Variants in GET3 observed in about 807,000 individuals in gnomAD.
GET3 encodes the protein ATPase GET3.
In GET3, 15 loss-of-function variants were observed where a neutral mutation model predicts 32.4. The observed-to-expected ratio is 0.46, with a 90% CI of 0.31 to 0.71. GET3 has a LOEUF of 0.71. GET3 is among the 30% of genes least tolerant of loss of function. The pLI is 0.05. For missense variants in GET3, 333 were observed against 459.0 expected (o/e 0.73, Z 2.51); for synonymous variants, 198 against 185.6 (o/e 1.07, Z -0.54).
In GET3 at chr19:12,747,286, C is replaced by A. The variant is rs761468766; in HGVS notation, c.699C>A (p.Ser233Arg). Residue 233 changes from serine to arginine, a missense_variant, in exon 5 of 7, where the codon AGC becomes AGA. Ser to Arg is a moderately radical substitution (Grantham distance 110). This residue lies in a region of GET3 where 230 missense variants were observed against 389.2 expected (regional missense o/e 0.59). Coordinates refer to ENST00000357332, the MANE Select transcript of GET3 (RefSeq NM_004317.4). This position sits in a 1 kb window ranked among gnomAD's most constrained non-coding sequence, Gnocchi z 4.0. Reference sequence around the variant, plus strand: ...CGCTGCCCGTCATCCGCTCAGTCAGCGAACAGTTCAAGGACCCTGTGAGTG... The same window carrying A: ...CGCTGCCCGTCATCCGCTCAGTCAGAGAACAGTTCAAGGACCCTGTGAGTG... ...EETLPVIRSVSEQFKDPEQTT... is the reference protein window; with the variant it reads ...EETLPVIRSVREQFKDPEQTT... 6.2e-7 allele frequency: 1 copy of A among 1,611,680 alleles called. No homozygotes were observed. The highest frequency in any genetic ancestry group is 1.1e-5 in the South Asian group (1 of 90,776).
In GET3 at chr19:12,747,961, C is replaced by T. The variant is rs757131606; in HGVS notation, c.916-12C>T. 1 of 1,587,536 alleles carries T rather than the reference C, an allele frequency of 6.3e-7. No individual in the cohort carries two copies. The highest frequency in any genetic ancestry group is 8.6e-7 in the Non-Finnish European group (1 of 1,162,824). On this transcript the variant is annotated splice_polypyrimidine_tract_variant and intron_variant, in intron 6 of 6. Transcript: ENST00000357332. This position sits in a 1 kb window ranked among gnomAD's most constrained non-coding sequence, Gnocchi z 4.0. ...CCTGACCACTGCCTTCTACCCTCTGCCCTGGCTGCAGATGGAGGACCTGTA... is the reference window on the plus strand; with the variant it reads ...CCTGACCACTGCCTTCTACCCTCTGTCCTGGCTGCAGATGGAGGACCTGTA...
rs762659065 is a variant in GET3, at chr19:12,747,378, T to C, written c.718-17T>C. 1.9e-6 allele frequency: 3 copies of C among 1,613,828 alleles called. No homozygotes were observed. The highest frequency in any genetic ancestry group is 2.5e-6 in the Non-Finnish European group (3 of 1,179,784). On this transcript the variant is annotated splice_polypyrimidine_tract_variant and intron_variant, in intron 5 of 6. Transcript: ENST00000357332. The surrounding 1 kb of genome is among the most constrained non-coding windows in gnomAD (Gnocchi z 4.0). ...GGGCAGACCCCGCCCCTCACTGTCCTCTCTCGTGCCCTGTAGGAGCAGACA... is the reference window on the plus strand; with the variant it reads ...GGGCAGACCCCGCCCCTCACTGTCCCCTCTCGTGCCCTGTAGGAGCAGACA...
In GET3 at chr19:12,748,244, CCTGGTGGGG is replaced by C; in HGVS notation, c.*150_*158del. ...AGGAGGCAGGGAGGGGTCCATTCCC[CCTGGTGGGG>C]CTGGTGGGGAGCTGTAGTTGCCCCC... is the stretch of plus-strand genomic sequence containing the variant. On this transcript the variant is annotated 3_prime_UTR_variant, in exon 7 of 7. Coordinates refer to ENST00000357332, the MANE Select transcript of GET3 (RefSeq NM_004317.4). 1 of 789,132 alleles carries C rather than the reference CCTGGTGGGG, an allele frequency of 1.3e-6. No individual in the cohort carries two copies. The highest frequency in any genetic ancestry group is 1.9e-6 in the Non-Finnish European group (1 of 536,654). 48.9% of individuals were successfully genotyped at this position (789,132 alleles called of 1,614,324 possible).
At chr19:12,746,413 A>G (rs1967772757) in intron 4 of GET3, among the ~76,000 whole-genome samples, 1 of 152,170 alleles carries the variant, frequency 6.6e-6, no homozygotes, top group Non-Finnish European at 1.5e-5. Flanking sequence ...GATTACAGGC[A>G]TGAGCCACTG....
intron 2 of GET3, among the ~76,000 whole-genome samples, chr19:12,744,790 C>T (rs1182217116): frequency 6.6e-6 from 1 of 152,068 alleles, no homozygotes; most frequent in Non-Finnish European, 1.5e-5. Context: ...TGAGGAAGGG[C>T]TAATTTTTTT....
rs1967798825 is a variant in GET3 at position 12,747,646 on chromosome 19, C to T, written c.915+54C>T. 3.8e-6 allele frequency: 6 copies of T among 1,571,672 alleles called. No individual in the cohort carries two copies. Among genetic ancestry groups the T allele is most frequent in the African/African-American group, 1.4e-5 (1 of 73,886 alleles). Reference sequence around the variant, plus strand: ...GCAGAGGCACCTCTGCCCCTTTATTCTCTGATCTTTTGCTCCACCATCTGG... The same window carrying T: ...GCAGAGGCACCTCTGCCCCTTTATTTTCTGATCTTTTGCTCCACCATCTGG... On this transcript the variant is annotated intron_variant, in intron 6 of 6. Transcript: ENST00000357332. The surrounding 1 kb of genome is among the most constrained non-coding windows in gnomAD (Gnocchi z 4.0).
At chr19:12,737,691 G>A (rs1229146801) in intron 1 of GET3, 25 bp downstream of exon 1, 3 of 1,599,958 alleles carry the variant, frequency 1.9e-6, no homozygotes, top group Non-Finnish European at 1.7e-6. Context: ...GCGGGGGCCA[G>A]GAGGCGTGTA....
Position 12,745,139 on chromosome 19 carries a change from C to G in GET3, c.310-238C>G, listed in dbSNP as rs1477492059. Among the ~76,000 whole-genome samples, 1 of 152,054 alleles carries G rather than the reference C, an allele frequency of 6.6e-6. No homozygotes were observed. Among genetic ancestry groups the G allele is most frequent in the Non-Finnish European group, 1.5e-5 (1 of 67,992 alleles). ...GGGTTTCAGCTTCCCTTTGAGGGCC[C>G]TGGGCACAGCTTGCAATTTTCCCCT... On this transcript the variant is annotated intron_variant, in intron 2 of 6. Transcript: ENST00000357332. This position sits in a 1 kb window ranked among gnomAD's most constrained non-coding sequence, Gnocchi z 5.0.
chr19:12,748,238 A>C lies in GET3; in HGVS notation c.*134A>C. 1 of 864,590 alleles carries C rather than the reference A, an allele frequency of 1.2e-6. No homozygotes were observed. Among genetic ancestry groups the C allele is most frequent in the African/African-American group, 1.7e-5 (1 of 58,220 alleles). The allele number at this position is 864,590 out of a possible 1,614,324, so 53.6% of individuals were successfully genotyped here. On this transcript the variant is annotated 3_prime_UTR_variant, in exon 7 of 7. Transcript: ENST00000357332. ...TTGGGCAGGAGGCAGGGAGGGGTCCATTCCCCCTGGTGGGGCTGGTGGGGA... is the reference window on the plus strand; with the variant it reads ...TTGGGCAGGAGGCAGGGAGGGGTCCCTTCCCCCTGGTGGGGCTGGTGGGGA...
At position 12,745,392 on chromosome 19, in the gene GET3, C is replaced by T. The variant is rs1275199058; in HGVS notation, c.325C>T (p.Leu109=). Residue 109 remains leucine (L), a synonymous_variant, in exon 3 of 7, where the codon CTG becomes TTG. Coordinates refer to ENST00000357332, the MANE Select transcript of GET3 (RefSeq NM_004317.4). The surrounding 1 kb of genome is among the most constrained non-coding windows in gnomAD (Gnocchi z 5.0). ...TGGCCCCCAGGAGATTGACCCCAGCCTGGGCGTGGCGGAGCTGCCTGACGA... is the reference window on the plus strand; with the variant it reads ...TGGCCCCCAGGAGATTGACCCCAGCTTGGGCGTGGCGGAGCTGCCTGACGA... ...NLFAMEIDPS[L]GVAELPDEFF... 1 of 1,611,068 alleles carries T rather than the reference C, an allele frequency of 6.2e-7. No individual in the cohort carries two copies. The highest frequency in any genetic ancestry group is 2.2e-5 in the East Asian group (1 of 44,862).
In GET3 at chr19:12,748,298, T is replaced by G; in HGVS notation, c.*194T>G. The G allele has an allele frequency of 1.9e-6, 1 of 516,298 alleles. No homozygotes were observed. The highest frequency in any genetic ancestry group is 3.4e-6 in the Non-Finnish European group (1 of 294,098). 32.0% of individuals were successfully genotyped at this position (516,298 alleles called of 1,614,324 possible). On this transcript the variant is annotated 3_prime_UTR_variant, in exon 7 of 7. Transcript: ENST00000357332. ...GCCCCCTACCTCTCCCACCTCTTGC[T>G]CTTCAATAAAATGATCTTAAACTGC...
chr19:12,742,231 C>A (rs918905977), intron 2 of GET3, among the ~76,000 whole-genome samples: 3 of 133,852 alleles, frequency 2.2e-5, no homozygotes, highest in Non-Finnish European at 4.8e-5. Flanking sequence ...GAGATGGTAT[C>A]TTTTTTTTTT....
intron 1 of GET3, 92 bp downstream of exon 1, chr19:12,737,758 G>A: frequency 1.4e-6 from 2 of 1,466,910 alleles, no homozygotes; most frequent in South Asian, 1.3e-5. Context: ...CACGACCGGG[G>A]CATGGGGGCT....
chr19:12,742,163 G>C (rs1264821623), intron 2 of GET3, among the ~76,000 whole-genome samples: 1 of 151,938 alleles, frequency 6.6e-6, no homozygotes, highest in Non-Finnish European at 1.5e-5. Context: ...TAAGTTGGTA[G>C]GTTGAGGCAG....
Position 12,747,385 on chromosome 19 carries a change from T to G in GET3, c.718-10T>G, listed in dbSNP as rs1967792880. The G allele has an allele frequency of 6.2e-7, 1 of 1,614,076 alleles. No homozygotes were observed. Among genetic ancestry groups the G allele is most frequent in the Admixed American group, 1.7e-5 (1 of 60,014 alleles). Reference sequence around the variant, plus strand: ...CCCCGCCCCTCACTGTCCTCTCTCGTGCCCTGTAGGAGCAGACAACTTTCA... The same window carrying G: ...CCCCGCCCCTCACTGTCCTCTCTCGGGCCCTGTAGGAGCAGACAACTTTCA... On this transcript the variant is annotated splice_polypyrimidine_tract_variant and intron_variant, in intron 5 of 6. Coordinates refer to ENST00000357332, the MANE Select transcript of GET3 (RefSeq NM_004317.4). This position sits in a 1 kb window ranked among gnomAD's most constrained non-coding sequence, Gnocchi z 4.0.
chr19:12,740,482 T>A (rs984120823), intron 2 of GET3, among the ~76,000 whole-genome samples: 4 of 151,270 alleles, frequency 2.6e-5, no homozygotes, highest in African/African-American at 9.7e-5. Context: ...TGAGACCATC[T>A]TGGCTAACAC....
intron 2 of GET3, among the ~76,000 whole-genome samples, chr19:12,742,567 A>C (rs1279769941): frequency 6.6e-6 from 1 of 152,022 alleles, no homozygotes; most frequent in Non-Finnish European, 1.5e-5. Flanking sequence ...GGTGCATGCC[A>C]CCATGCCCGG....
chr19:12,748,241 C>A lies in GET3; in HGVS notation c.*137C>A, dbSNP rs1915493921. ...GGCAGGAGGCAGGGAGGGGTCCATT[C>A]CCCCTGGTGGGGCTGGTGGGGAGCT... On this transcript the variant is annotated 3_prime_UTR_variant, in exon 7 of 7. Coordinates refer to ENST00000357332, the MANE Select transcript of GET3 (RefSeq NM_004317.4). The A allele has an allele frequency of 1.2e-6, 1 of 832,996 alleles. No individual in the cohort carries two copies. The allele number at this position is 832,996 out of a possible 1,614,324, so 51.6% of individuals were successfully genotyped here.
chr19:12,747,503 A>G lies in GET3; in HGVS notation c.826A>G (p.Ile276Val), dbSNP rs773764535. 6.2e-7 allele frequency: 1 copy of G among 1,613,872 alleles called. No homozygotes were observed. Among genetic ancestry groups the G allele is most frequent in the South Asian group, 1.1e-5 (1 of 91,066 alleles). ...AKCKIDTHNI[I>V]VNQLVFPDPE... ...GTGCAAGATTGACACACACAATATA[A>G]TTGTCAACCAGCTCGTCTTCCCCGA... is the stretch of plus-strand genomic sequence containing the variant. The change falls in exon 6 of 7, where the codon ATT becomes GTT. Residue 276 changes from isoleucine (I) to valine (V), a missense_variant. Ile to Val is a conservative substitution (Grantham distance 29). This residue lies in a region of GET3 where 230 missense variants were observed against 389.2 expected (regional missense o/e 0.59). Transcript: ENST00000357332. The surrounding 1 kb of genome is among the most constrained non-coding windows in gnomAD (Gnocchi z 4.0).
Sources: allele counts gnomAD v4.1 joint callset (sites outside exome capture counted in the v4.1 genomes callset), GRCh38; gene constraint gnomAD v4.1.1; regional missense constraint gnomAD v4.1.1; non-coding constraint Gnocchi (gnomAD v3.1); transcripts MANE v1.5; gene names NCBI Gene and HGNC (gene_info 2026-07-23, HGNC 2026-07-21).